The following NBEA variants were observed in gnomAD, a reference collection of about 807,000 sequenced individuals.
NBEA encodes lysosomal-trafficking regulator 2.
Under a neutral mutation model 343.4 loss-of-function variants are expected in NBEA, and 44 were observed. That is an observed-to-expected ratio of 0.13 (90% confidence interval 0.10 to 0.16). NBEA has a LOEUF of 0.16. Ranked by LOEUF, NBEA falls within the 10% of genes least tolerant of loss-of-function variation. The pLI, the probability that NBEA is intolerant of heterozygous loss-of-function variation, is 1.00. For synonymous variants in NBEA, 1,175 were observed against 1,238.7 expected (o/e 0.95, Z 1.08); for missense variants, 2,555 against 3,631.3 (o/e 0.70, Z 7.62).
chr13:35,167,743 TG>T (rs1171452132), intron 24 of NBEA, among the ~76,000 whole-genome samples: 1 of 151,852 alleles, frequency 6.6e-6, no homozygotes, highest in African/African-American at 2.4e-5. Context: ...ACTAGTTAAT[TG>T]AATCCTCTCA....
chr13:35,054,465 A>T (rs1287501080), intron 6 of NBEA, among the ~76,000 whole-genome samples: 1 of 152,056 alleles, frequency 6.6e-6, no homozygotes, highest in East Asian at 1.9e-4. Flanking sequence ...CAAGTGAAAG[A>T]CTTAGTTTCC....
chr13:35,219,492 G>A (rs757017268), intron 33 of NBEA, among the ~76,000 whole-genome samples: 82 of 152,108 alleles, frequency 5.4e-4, no homozygotes, highest in Non-Finnish European at 1.1e-3. Context: ...AGGTGTGTTA[G>A]TCAAGCTTAT....
rs2080385745 is a variant in NBEA at position 35,571,052 on chromosome 13, A to G, written c.7035+4035A>G. Among the ~76,000 whole-genome samples, 3 of 152,306 alleles carry G rather than the reference A, an allele frequency of 2.0e-5. No individual in the cohort carries two copies. In the South Asian group the frequency reaches 6.2e-4, roughly 32 times the overall value. Reference sequence around the variant, plus strand: ...AGAACATTCTAAAAGATCTCTAACAACAAAAGTAGTTGTTTCTAAACAAAC... The same window carrying G: ...AGAACATTCTAAAAGATCTCTAACAGCAAAAGTAGTTGTTTCTAAACAAAC... On this transcript the variant is annotated intron_variant, in intron 45 of 58. Coordinates refer to ENST00000379939, the MANE Select transcript of NBEA (RefSeq NM_001385012.1).
chr13:35,361,411 C>T (rs967599555), intron 38 of NBEA, among the ~76,000 whole-genome samples: 1 of 151,996 alleles, frequency 6.6e-6, no homozygotes, highest in Non-Finnish European at 1.5e-5. Context: ...TTGTTTTTCC[C>T]ACAACAGTGC....
intron 1 of NBEA, among the ~76,000 whole-genome samples, chr13:34,970,641 CT>C (rs1204839172): frequency 1.3e-5 from 2 of 152,092 alleles, no homozygotes; most frequent in Non-Finnish European, 2.9e-5. Context: ...ATAGGGAATC[CT>C]TTCCCCATTG....
chr13:35,166,488 C>T (rs80209117), intron 24 of NBEA, among the ~76,000 whole-genome samples: 2,232 of 152,256 alleles, frequency 0.015, 50 homozygotes, highest in African/African-American at 0.052. Context: ...ACTATCTCAA[C>T]AGACTTGGGA....
At chr13:35,460,765 A>G (rs2046858117) in intron 40 of NBEA, among the ~76,000 whole-genome samples, 1 of 152,234 alleles carries the variant, frequency 6.6e-6, no homozygotes, top group South Asian at 2.1e-4. Context: ...CTTATTAGAC[A>G]TTGTCTTAGT....
chr13:35,059,607 ATGG>A (rs2063390882), intron 8 of NBEA, among the ~76,000 whole-genome samples: 1 of 151,840 alleles, frequency 6.6e-6, no homozygotes, highest in Admixed American at 6.6e-5. Context: ...CTTGTCTTGT[ATGG>A]AAGTGTGGTT....
chr13:35,516,063 A>T (rs1225785321), intron 41 of NBEA, among the ~76,000 whole-genome samples: 1 of 152,232 alleles, frequency 6.6e-6, no homozygotes, highest in Non-Finnish European at 1.5e-5. Context: ...AACCTTAAAC[A>T]TTGTAGAAAC....
At chr13:34,963,457 C>T (rs2152493044) in intron 1 of NBEA, among the ~76,000 whole-genome samples, 1 of 152,022 alleles carries the variant, frequency 6.6e-6, no homozygotes, top group African/African-American at 2.4e-5. Context: ...GTGTTCCCCC[C>T]AAAATTCATA....
chr13:35,312,418 T>A (rs549275529), intron 36 of NBEA, among the ~76,000 whole-genome samples: 28 of 152,122 alleles, frequency 1.8e-4, no homozygotes, highest in African/African-American at 6.8e-4. Flanking sequence ...AAGAGAATAG[T>A]GAGACATGTT....
At chr13:35,123,272 A>G (rs1411097589) in intron 16 of NBEA, among the ~76,000 whole-genome samples, 1 of 152,196 alleles carries the variant, frequency 6.6e-6, no homozygotes, top group Non-Finnish European at 1.5e-5. Context: ...CACCAGTCAC[A>G]TTGCCCTTTT....
At chr13:35,354,008 C>G (rs1340213198) in intron 38 of NBEA, among the ~76,000 whole-genome samples, 1 of 152,200 alleles carries the variant, frequency 6.6e-6, no homozygotes, top group African/African-American at 2.4e-5. Flanking sequence ...CGGGAAACCT[C>G]AGCTTTTGCT....
At chr13:35,599,071 T>A (rs1354208858) in intron 47 of NBEA, among the ~76,000 whole-genome samples, 1 of 152,142 alleles carries the variant, frequency 6.6e-6, no homozygotes, top group Non-Finnish European at 1.5e-5. Flanking sequence ...ACTTGTTCTG[T>A]CTTTGAAATT....
intron 41 of NBEA, among the ~76,000 whole-genome samples, chr13:35,498,046 CA>C (rs1475778223): frequency 6.6e-6 from 1 of 151,858 alleles, no homozygotes; most frequent in Non-Finnish European, 1.5e-5. Context: ...TATTGATTTG[CA>C]CAAAAATTCT....
intron 38 of NBEA, among the ~76,000 whole-genome samples, chr13:35,381,900 G>T (rs975610755): frequency 6.6e-6 from 1 of 151,932 alleles, no homozygotes; most frequent in South Asian, 2.1e-4. Context: ...AAAATAATTT[G>T]TTTATTGTCC....
chr13:35,280,039 A>G (rs1289729874), intron 34 of NBEA, among the ~76,000 whole-genome samples: 1 of 152,184 alleles, frequency 6.6e-6, no homozygotes, highest in East Asian at 1.9e-4. Context: ...TTATTTTAGT[A>G]GAGATTTTAT....
intron 41 of NBEA, among the ~76,000 whole-genome samples, chr13:35,539,809 C>G (rs1330376350): frequency 8.2e-5 from 12 of 146,140 alleles, no homozygotes; most frequent in Admixed American, 3.5e-4. Flanking sequence ...CCAGCTACTC[C>G]GGAGGCTGAG....
intron 10 of NBEA, among the ~76,000 whole-genome samples, chr13:35,071,701 T>C (rs968348126): frequency 6.6e-6 from 1 of 152,040 alleles, no homozygotes; most frequent in Non-Finnish European, 1.5e-5. Context: ...TAATTTTGAA[T>C]TGATGGCGAA....
Sources: allele counts gnomAD v4.1 joint callset (sites outside exome capture counted in the v4.1 genomes callset), GRCh38; gene constraint gnomAD v4.1.1; transcripts MANE v1.5; gene names NCBI Gene and HGNC (gene_info 2026-07-23, HGNC 2026-07-21).